The following COL4A4 variants were observed in gnomAD, a reference collection of about 807,000 sequenced individuals.
COL4A4 encodes the protein collagen type IV alpha 4 chain, also known as collagen alpha-4(IV) chain.
Under a neutral mutation model 192.9 loss-of-function variants are expected in COL4A4, and 105 were observed. The observed-to-expected ratio is 0.54, with a 90% CI of 0.46 to 0.64. The LOEUF is 0.64. Among genes scored for constraint, COL4A4 ranks in the 30% least tolerant of loss-of-function variants. The pLI is 0.00. For missense variants in COL4A4, 1,967 were observed against 2,169.3 expected, an observed-to-expected ratio of 0.91 and a Z score of 1.85; for synonymous variants, 762 against 769.9, an observed-to-expected ratio of 0.99 and a Z score of 0.17.
At chr2:227,149,483 C>A (rs536859898) in intron 1 of COL4A4, among the ~76,000 whole-genome samples, 50 of 152,276 alleles carry the variant, frequency 3.3e-4, no homozygotes, top group Middle Eastern at 3.4e-3. Flanking sequence ...TGGTTTCAGG[C>A]TGCTAAAAGC....
intron 43 of COL4A4, among the ~76,000 whole-genome samples, chr2:227,025,512 A>G (rs949235958): frequency 1.3e-5 from 2 of 152,244 alleles, no homozygotes; most frequent in African/African-American, 4.8e-5. Context: ...TGTACTATAT[A>G]GCCTTTGACA....
At chr2:226,983,331 CTG>C in the COL4A4 span, among the ~76,000 whole-genome samples, 2 of 152,144 alleles carry the variant, frequency 1.3e-5, no homozygotes, top group African/African-American at 4.8e-5. Context: ...TCGAAGCATG[CTG>C]TGTTTTCTGC....
At chr2:227,088,858 T>C in intron 21 of COL4A4, 42 bp from the exon 22 acceptor site, 4 of 1,609,508 alleles carry the variant, frequency 2.5e-6, no homozygotes, top group Non-Finnish European at 3.4e-6. Flanking sequence ...ATTTCCTGAA[T>C]AAAATCCCCA....
intron 23 of COL4A4, 25 bp from the exon 24 acceptor site, chr2:227,080,574 T>G (rs747795028): frequency 6.3e-7 from 1 of 1,590,392 alleles, no homozygotes; most frequent in Non-Finnish European, 8.6e-7. Flanking sequence ...CAAAAGATAT[T>G]CAAGCTCTTA....
intron 37 of COL4A4, 101 bp downstream of exon 37, chr2:227,042,047 A>G (rs2150093314): frequency 1.2e-6 from 1 of 801,818 alleles, no homozygotes; most frequent in Non-Finnish European, 2.3e-6. Context: ...AGAGTGGTAT[A>G]ACCAAGAGCA....
At chr2:227,117,544 C>T (rs1221523610) in intron 7 of COL4A4, among the ~76,000 whole-genome samples, 3 of 151,918 alleles carry the variant, frequency 2.0e-5, no homozygotes, top group African/African-American at 4.8e-5. Context: ...AAAAGGAAGA[C>T]TCGTGAGTGA....
At chr2:227,042,735 T>C (rs1408588492) in intron 36 of COL4A4, among the ~76,000 whole-genome samples, 1 of 152,134 alleles carries the variant, frequency 6.6e-6, no homozygotes, top group Non-Finnish European at 1.5e-5. Flanking sequence ...TGAGCTATGA[T>C]TGTGCCACCA....
intron 37 of COL4A4, among the ~76,000 whole-genome samples, chr2:227,041,838 A>AG (rs1971240102): frequency 2.6e-4 from 11 of 41,610 alleles, no homozygotes; most frequent in Admixed American, 1.1e-3. Flanking sequence ...GAAAGAAAGA[A>AG]AGAAAGAAAG....
the COL4A4 span, among the ~76,000 whole-genome samples, chr2:226,971,684 A>G: frequency 6.6e-6 from 1 of 152,226 alleles, no homozygotes; most frequent in Non-Finnish European, 1.5e-5. Flanking sequence ...TTTCTTGACA[A>G]AATCAGAGAG....
chr2:227,085,401 A>T (rs899155801), intron 22 of COL4A4, among the ~76,000 whole-genome samples: 1 of 152,194 alleles, frequency 6.6e-6, no homozygotes, highest in Non-Finnish European at 1.5e-5. Context: ...AAACACCATG[A>T]GGACACAACC....
chr2:227,071,744 A>C (rs1245193980), intron 25 of COL4A4, among the ~76,000 whole-genome samples: 3 of 152,138 alleles, frequency 2.0e-5, no homozygotes, highest in Non-Finnish European at 2.9e-5. Flanking sequence ...CTCCAAAAGG[A>C]ACCCTCAAAA....
rs922594212 is a variant in COL4A4 at position 227,047,112 on chromosome 2, C to T, written c.3289+363G>A. Among the ~76,000 whole-genome samples the T allele has an allele frequency of 7.2e-5, 11 of 151,846 alleles. 1 individual carries two copies. The highest frequency in any genetic ancestry group is 5.9e-4 in the Admixed American group (9 of 15,244). ...CTGTAGTCATTGTGAGTGGTTATTG[C>T]GAATGCATCATTTTAAATGATAGAG... On this transcript the variant is annotated intron_variant, in intron 35 of 47. Coordinates refer to ENST00000396625, the MANE Select transcript of COL4A4 (RefSeq NM_000092.5).
chr2:227,046,078 T>C (rs1328871884), intron 35 of COL4A4, among the ~76,000 whole-genome samples: 6 of 56,114 alleles, frequency 1.1e-4, no homozygotes, highest in East Asian at 4.6e-4. Flanking sequence ...CATATATATA[T>C]TTAGATATAT....
At chr2:227,074,498 C>A (rs1291521142) in intron 25 of COL4A4, among the ~76,000 whole-genome samples, 1 of 152,086 alleles carries the variant, frequency 6.6e-6, no homozygotes, top group Non-Finnish European at 1.5e-5. Flanking sequence ...TGTGGAGATT[C>A]CCTAAAGAGA....
At chr2:227,002,482 T>TTGA (rs1019431125), downstream of COL4A4, among the ~76,000 whole-genome samples, 2 of 152,082 alleles carry the variant, frequency 1.3e-5, no homozygotes, top group African/African-American at 4.8e-5. Context: ...TCCCGTGGGG[T>TTGA]TGATACAGAC....
intron 25 of COL4A4, among the ~76,000 whole-genome samples, chr2:227,069,546 G>A (rs2150379347): frequency 6.6e-6 from 1 of 152,080 alleles, no homozygotes; most frequent in African/African-American, 2.4e-5. Context: ...ACAGAACAGA[G>A]CCCTCAGAAA....
At chr2:226,974,022 A>G in the COL4A4 span, among the ~76,000 whole-genome samples, 3 of 152,072 alleles carry the variant, frequency 2.0e-5, no homozygotes, top group African/African-American at 7.2e-5. Flanking sequence ...GCCTTTCCAC[A>G]TGCTTGCCTC....
intron 44 of COL4A4, among the ~76,000 whole-genome samples, chr2:227,019,304 T>A (rs1253472538): frequency 6.6e-6 from 1 of 152,254 alleles, no homozygotes; most frequent in Non-Finnish European, 1.5e-5. Flanking sequence ...TGCATTCATA[T>A]AACAGGGCGT....
chr2:227,088,881 C>T, intron 21 of COL4A4, 65 bp from the exon 22 acceptor site: 1 of 1,558,854 alleles, frequency 6.4e-7, no homozygotes, highest in Non-Finnish European at 8.8e-7. Context: ...AAGGGCTTTA[C>T]TGTACAAAAC....
Sources: allele counts gnomAD v4.1 joint callset (sites outside exome capture counted in the v4.1 genomes callset), GRCh38; gene constraint gnomAD v4.1.1; transcripts MANE v1.5; gene names NCBI Gene and HGNC (gene_info 2026-07-23, HGNC 2026-07-21).